Variants in USP28 observed in about 807,000 individuals in gnomAD.
USP28 encodes ubiquitin carboxyl-terminal hydrolase 28.
USP28 carries 113 observed loss-of-function variants against 145.0 expected under a neutral mutation model. The ratio of observed to expected loss-of-function variants is 0.78; its 90% CI spans 0.67 to 0.91. USP28 has a LOEUF of 0.91. Ranked by LOEUF, USP28 falls within the 40% of genes least tolerant of loss-of-function variation. The probability of loss-of-function intolerance (pLI) is 0.00; values close to 1 mark genes in which losing one functional copy is unlikely to be tolerated. For synonymous variants in USP28, 447 were observed against 450.9 expected (o/e 0.99, Z 0.11); for missense variants, 1,201 against 1,289.6 (o/e 0.93, Z 1.05).
chr11:113,854,515 C>T (rs1946834321), intron 1 of USP28, among the ~76,000 whole-genome samples, 180 bp from the exon 2 acceptor site: 1 of 152,214 alleles, frequency 6.6e-6, no homozygotes, highest in Non-Finnish European at 1.5e-5. Context: ...GATTCTCCTG[C>T]CTCAGCCTCC....
intron 1 of USP28, among the ~76,000 whole-genome samples, chr11:113,866,296 A>G (rs922819655): frequency 4.0e-5 from 6 of 151,728 alleles, no homozygotes; most frequent in Non-Finnish European, 7.4e-5. Context: ...TGTCTTGGGG[A>G]AAAAAAAAGA....
chr11:113,863,887 G>C (rs1447800041), intron 1 of USP28, among the ~76,000 whole-genome samples: 1 of 151,208 alleles, frequency 6.6e-6, no homozygotes, highest in Non-Finnish European at 1.5e-5. Context: ...GGAGCTTGCA[G>C]TGAGCCGAGA....
intron 7 of USP28, 66 bp downstream of exon 7, chr11:113,833,354 G>C (rs1171132828): frequency 1.3e-6 from 2 of 1,560,130 alleles, no homozygotes; most frequent in Non-Finnish European, 1.7e-6. Context: ...CAGTTGAAAT[G>C]AAGCAGTACC....
chr11:113,854,150 G>GTCCC, intron 2 of USP28, 108 bp downstream of exon 2: 1 of 968,028 alleles, frequency 1.0e-6, no homozygotes. Context: ...TAGAGCTTCT[G>GTCCC]TCCCTATATG....
intron 5 of USP28, among the ~76,000 whole-genome samples, chr11:113,836,735 C>T (rs1384928970): frequency 2.0e-5 from 3 of 152,132 alleles, no homozygotes; most frequent in Non-Finnish European, 4.4e-5. Context: ...ATCCTTGCCC[C>T]TCCATCCTCA....
intron 1 of USP28, 37 bp downstream of exon 1, chr11:113,875,408 C>G (rs1949278867): frequency 1.6e-6 from 2 of 1,229,592 alleles, no homozygotes; most frequent in Admixed American, 3.8e-5. Context: ...GGGCCTGGAG[C>G]CCGCCCCCAG....
chr11:113,807,977 A>G, intron 18 of USP28: 1 of 1,172,518 alleles, frequency 8.5e-7, no homozygotes, highest in Non-Finnish European at 1.1e-6. Context: ...TCTGCATCAG[A>G]TCTAACCAGA....
In USP28 at chr11:113,859,971, G is replaced by T. The variant is rs547159116; in HGVS notation, c.58-5636C>A. On this transcript the variant is annotated intron_variant, in intron 1 of 24. Coordinates refer to ENST00000003302, the Ensembl canonical transcript of USP28. ...ACCTCACTGCTACTCAGTGGTTTTGGTGCAATCTAGCCCACTTCTCAGGAA... is the reference window on the plus strand; with the variant it reads ...ACCTCACTGCTACTCAGTGGTTTTGTTGCAATCTAGCCCACTTCTCAGGAA... Among the ~76,000 whole-genome samples, 3 of 152,260 alleles carry T rather than the reference G, an allele frequency of 2.0e-5. No individual in the cohort carries two copies. In the East Asian group the frequency reaches 5.8e-4, roughly 29 times the overall value.
At chr11:113,813,839 C>T (rs1223123167) in intron 15 of USP28, 46 bp downstream of exon 15, 5 of 1,472,426 alleles carry the variant, frequency 3.4e-6, no homozygotes, top group Non-Finnish European at 3.8e-6. Flanking sequence ...TTTGTATCTA[C>T]CATTAGCACA....
intron 5 of USP28, 133 bp from the exon 6 acceptor site, chr11:113,834,468 G>T: frequency 1.7e-6 from 1 of 581,854 alleles, no homozygotes; most frequent in Non-Finnish European, 2.8e-6. Context: ...TTTGACTTAT[G>T]TTATTTCTAA....
intron 13 of USP28, among the ~76,000 whole-genome samples, chr11:113,815,696 C>T (rs964861140): frequency 2.6e-5 from 4 of 152,144 alleles, no homozygotes; most frequent in Admixed American, 6.5e-5. Context: ...GTCTTTAGCT[C>T]ATGTTCTCTG....
chr11:113,833,566 A>C lies in USP28; in HGVS notation c.622-9T>G. 6.2e-7 allele frequency: 1 copy of C among 1,610,712 alleles called. No individual in the cohort carries two copies. ...ATGATATTTCTCTTTTCCTGTAGAAAACACAGTACATGTACTCTTACAATA... is the reference window on the plus strand; with the variant it reads ...ATGATATTTCTCTTTTCCTGTAGAACACACAGTACATGTACTCTTACAATA... On this transcript the variant is annotated splice_polypyrimidine_tract_variant and intron_variant, in intron 6 of 24. Coordinates refer to ENST00000003302, the Ensembl canonical transcript of USP28.
intron 1 of USP28, among the ~76,000 whole-genome samples, chr11:113,857,204 A>C (rs1163305357): frequency 6.6e-6 from 1 of 152,172 alleles, no homozygotes; most frequent in East Asian, 1.9e-4. Flanking sequence ...CCCTGCTTCC[A>C]GGTGCACTGC....
intron 24 of USP28, 143 bp downstream of exon 25, chr11:113,801,340 T>C: frequency 1.7e-6 from 1 of 585,826 alleles, no homozygotes. Flanking sequence ...CTTGTTTCAA[T>C]AGAGCAGATC....
exon 1 of USP28, chr11:113,875,551 C>T: frequency 2.7e-6 from 3 of 1,127,236 alleles, no homozygotes; most frequent in Middle Eastern, 3.8e-4. Flanking sequence ...CAGCCGCCGC[C>T]GGCCCAGCCT....
chr11:113,852,052 G>A (rs974499093), intron 3 of USP28, among the ~76,000 whole-genome samples: 10 of 152,034 alleles, frequency 6.6e-5, no homozygotes, highest in East Asian at 1.9e-4. Flanking sequence ...TTTAAGAGAC[G>A]GAGTCTTGCT....
intron 11 of USP28, 102 bp downstream of exon 11, chr11:113,827,131 T>C (rs1242368028): frequency 1.4e-6 from 2 of 1,396,486 alleles, no homozygotes; most frequent in East Asian, 5.1e-5. Flanking sequence ...ATTTGCATAT[T>C]ATCATGTCTC....
At chr11:113,849,241 C>T (rs1198886821) in intron 3 of USP28, among the ~76,000 whole-genome samples, 1 of 152,164 alleles carries the variant, frequency 6.6e-6, no homozygotes, top group Non-Finnish European at 1.5e-5. Flanking sequence ...TGAGGAACTG[C>T]TGGATCCTAT....
chr11:113,826,153 C>T (rs1485804102), intron 11 of USP28, among the ~76,000 whole-genome samples: 2 of 151,374 alleles, frequency 1.3e-5, no homozygotes, highest in Non-Finnish European at 2.9e-5. Flanking sequence ...TGTGGTGGTG[C>T]GTGCCTGTAA....
Sources: allele counts gnomAD v4.1 joint callset (sites outside exome capture counted in the v4.1 genomes callset), GRCh38; gene constraint gnomAD v4.1.1; transcripts MANE v1.5; gene names NCBI Gene and HGNC (gene_info 2026-07-23, HGNC 2026-07-21).